The following VPS37A variants were observed in gnomAD, a reference collection of about 807,000 sequenced individuals.
The protein encoded by VPS37A is VPS37A subunit of ESCRT-I, also known as vacuolar protein sorting-associated protein 37A.
In VPS37A, 30 loss-of-function variants were observed where a neutral mutation model predicts 49.8. That is an observed-to-expected ratio of 0.60 (90% CI 0.45 to 0.82). The LOEUF is 0.82. Among genes scored for constraint, VPS37A ranks in the 40% least tolerant of loss-of-function variants. VPS37A has a pLI of 0.00. For missense variants in VPS37A, 593 were observed against 464.4 expected, an observed-to-expected ratio of 1.28 and a Z score of -2.55; for synonymous variants, 195 against 160.6, an observed-to-expected ratio of 1.21 and a Z score of -1.62.
chr8:17,255,978 G>T (rs143375572), intron 1 of VPS37A, among the ~76,000 whole-genome samples: 18 of 152,202 alleles, frequency 1.2e-4, no homozygotes, highest in African/African-American at 4.1e-4. Flanking sequence ...TGGCTGTTGT[G>T]AATAGTGCTG....
intron 1 of VPS37A, among the ~76,000 whole-genome samples, chr8:17,263,492 G>A (rs1191551577): frequency 6.7e-6 from 1 of 149,952 alleles, no homozygotes; most frequent in African/African-American, 2.5e-5. Flanking sequence ...ATCACCTTCT[G>A]TTATTTGTGA....
the VPS37A span, among the ~76,000 whole-genome samples, chr8:17,328,080 G>T: frequency 5.3e-5 from 8 of 152,136 alleles, no homozygotes; most frequent in Non-Finnish European, 1.0e-4. Context: ...TAACAGTCAC[G>T]TGGAAGGTAG....
At chr8:17,268,700 A>T (rs540382062) in intron 3 of VPS37A, among the ~76,000 whole-genome samples, 156 bp from the exon 4 acceptor site, 1 of 152,186 alleles carries the variant, frequency 6.6e-6, no homozygotes, top group Non-Finnish European at 1.5e-5. Context: ...TATCGATTCT[A>T]TAAGAAAATG....
At position 17,296,408 on chromosome 8, in the gene VPS37A, C is replaced by G. The variant is rs1816636110; in HGVS notation, c.*1422C>G. ...ATTATTACTCCTGATTTGTAGATAA[C>G]TGAGGTAAGAGTGTTTCAAATTTAT... is the stretch of plus-strand genomic sequence containing the variant. On this transcript the variant is annotated 3_prime_UTR_variant, in exon 12 of 12. Transcript: ENST00000324849. 1 of 152,132 alleles carries G rather than the reference C, an allele frequency of 6.6e-6. No homozygotes were observed. Among genetic ancestry groups the G allele is most frequent in the Non-Finnish European group, 1.5e-5 (1 of 68,016 alleles). The allele number at this position is 152,132 out of a possible 1,614,324, so 9.4% of individuals were successfully genotyped here.
downstream of VPS37A, among the ~76,000 whole-genome samples, chr8:17,305,025 G>C (rs2150469978): frequency 6.6e-6 from 1 of 152,202 alleles, no homozygotes; most frequent in East Asian, 1.9e-4. Context: ...TCAGGTACAA[G>C]AAAACAGGTG....
chr8:17,321,368 T>A, the VPS37A span, among the ~76,000 whole-genome samples: 8 of 152,222 alleles, frequency 5.3e-5, no homozygotes, highest in Non-Finnish European at 1.2e-4. Flanking sequence ...TCTCACCATG[T>A]CAGCACTAAC....
chr8:17,327,235 T>C, the VPS37A span, among the ~76,000 whole-genome samples: 1 of 152,216 alleles, frequency 6.6e-6, no homozygotes, highest in Non-Finnish European at 1.5e-5. Context: ...TCTACTATTA[T>C]AAATAAAACA....
chr8:17,267,398 C>G (rs971817879), intron 2 of VPS37A, among the ~76,000 whole-genome samples: 3 of 152,102 alleles, frequency 2.0e-5, no homozygotes, highest in East Asian at 1.9e-4. Flanking sequence ...ATCCAGTAAA[C>G]TCTCATTTTT....
intron 10 of VPS37A, among the ~76,000 whole-genome samples, chr8:17,285,366 TAC>T (rs1449963470): frequency 6.6e-6 from 1 of 152,164 alleles, no homozygotes; most frequent in Non-Finnish European, 1.5e-5. Flanking sequence ...AAGAATAACG[TAC>T]AGGGATTATA....
intron 4 of VPS37A, among the ~76,000 whole-genome samples, chr8:17,271,725 A>C (rs1331636538): frequency 6.6e-6 from 1 of 152,174 alleles, no homozygotes; most frequent in Non-Finnish European, 1.5e-5. Context: ...CTGCTGAGAG[A>C]CAATGTCTTT....
the VPS37A span, among the ~76,000 whole-genome samples, chr8:17,314,588 C>T: frequency 6.6e-6 from 1 of 152,192 alleles, no homozygotes; most frequent in Non-Finnish European, 1.5e-5. Context: ...AGAGGATTCA[C>T]TGTGATTTCC....
At chr8:17,272,148 C>G in intron 4 of VPS37A, 2 of 453,174 alleles carry the variant, frequency 4.4e-6, no homozygotes, top group Middle Eastern at 3.3e-4. Flanking sequence ...CGGTGACCAT[C>G]TGCTCAAAGG....
chr8:17,259,076 G>A (rs1812743585), intron 1 of VPS37A, among the ~76,000 whole-genome samples: 1 of 151,472 alleles, frequency 6.6e-6, no homozygotes, highest in South Asian at 2.1e-4. Context: ...TTGTATTTTT[G>A]GTCTCAACTT....
At chr8:17,299,854 G>A, downstream of VPS37A, 1 of 1,613,456 alleles carries the variant, frequency 6.2e-7, no homozygotes. Context: ...GAACTCCAAA[G>A]GGAAACTTCA....
chr8:17,247,440 A>C, intron 1 of VPS37A, 71 bp downstream of exon 1: 10 of 1,512,984 alleles, frequency 6.6e-6, no homozygotes, highest in Non-Finnish European at 8.8e-6. Context: ...AACCACCCTC[A>C]CAGCGCCTCA....
the VPS37A span, among the ~76,000 whole-genome samples, chr8:17,315,308 T>TA: frequency 4.6e-5 from 7 of 151,968 alleles, no homozygotes; most frequent in South Asian, 8.3e-4. Flanking sequence ...ACGGAGACAG[T>TA]AAAAAAATCA....
In VPS37A at chr8:17,280,042, C is replaced by T; in HGVS notation, c.728C>T (p.Thr243Ile). 3 of 1,610,814 alleles carry T rather than the reference C, an allele frequency of 1.9e-6. No homozygotes were observed. The highest frequency in any genetic ancestry group is 2.5e-6 in the Non-Finnish European group (3 of 1,178,572). Residue 243 changes from threonine to isoleucine, a missense_variant, in exon 7 of 12, where the codon ACA becomes ATA. Transcript: ENST00000324849. ...TGTGTTTCTAGTGTGTCACAACTCA[C>T]AGATATGAATGAACAAGAGGAGGTA... ...ELSELSVSQL[T>I]DMNEQEEVLL...
intron 1 of VPS37A, among the ~76,000 whole-genome samples, chr8:17,263,562 G>A (rs910604451): frequency 6.6e-6 from 1 of 151,924 alleles, no homozygotes; most frequent in East Asian, 1.9e-4. Context: ...CAGTATAACT[G>A]GAGAAAATGA....
downstream of VPS37A, among the ~76,000 whole-genome samples, chr8:17,305,360 A>T (rs927983489): frequency 9.2e-5 from 14 of 152,320 alleles, no homozygotes; most frequent in African/African-American, 2.9e-4. Flanking sequence ...TACAGTTTTA[A>T]TCTGAATAAA....
Sources: gnomAD v4.1 joint callset for allele counts (sites outside exome capture counted in the v4.1 genomes callset) on GRCh38, gnomAD v4.1.1 for gene constraint, MANE v1.5 for transcripts, NCBI Gene and HGNC (gene_info 2026-07-23, HGNC 2026-07-21) for gene names.